Variants in NCBP3 observed in about 807,000 individuals in gnomAD.
NCBP3 encodes the protein nuclear cap-binding protein subunit 3.
Under a neutral mutation model 75.7 loss-of-function variants are expected in NCBP3, and 20 were observed. The observed-to-expected ratio is 0.26, with a 90% CI of 0.19 to 0.38. NCBP3 has a LOEUF of 0.38. Among genes scored for constraint, NCBP3 ranks in the 10% least tolerant of loss-of-function variants. The pLI, the probability that NCBP3 is intolerant of heterozygous loss-of-function variation, is 1.00. For missense variants in NCBP3, 678 were observed against 796.9 expected (o/e 0.85, Z 1.80); for synonymous variants, 293 against 290.5 (o/e 1.01, Z -0.09).
intron 10 of NCBP3, among the ~76,000 whole-genome samples, chr17:3,817,353 G>A (rs372253292): frequency 3.9e-5 from 6 of 151,988 alleles, no homozygotes; most frequent in Admixed American, 6.5e-5. Context: ...TTCTGAGCCC[G>A]GGCATGGTGG....
chr17:3,816,032 A>T, intron 11 of NCBP3, 84 bp downstream of exon 11: 2 of 1,352,504 alleles, frequency 1.5e-6, no homozygotes, highest in Non-Finnish European at 2.0e-6. Flanking sequence ...CACACATCGC[A>T]TGTTTTACTC....
intron 7 of NCBP3, chr17:3,824,333 C>G (rs1395051613): frequency 6.7e-6 from 1 of 149,030 alleles, no homozygotes; most frequent in Non-Finnish European, 1.5e-5. Flanking sequence ...CATATACATA[C>G]ATACATACAT....
At chr17:3,826,855 T>A (rs367892317) in intron 4 of NCBP3, among the ~76,000 whole-genome samples, 1 of 151,028 alleles carries the variant, frequency 6.6e-6, no homozygotes, top group African/African-American at 2.4e-5. Context: ...CTACTAAAAA[T>A]ACAAAAAATT....
In NCBP3 at chr17:3,832,432, C is replaced by T. The variant is rs1314141270; in HGVS notation, c.356-3064G>A. 2.1e-3 allele frequency among the ~76,000 whole-genome samples: 251 copies of T among 117,938 alleles called. 9 individuals are homozygous for T. The highest frequency in any genetic ancestry group is 5.9e-3 in the African/African-American group (231 of 38,852). The allele number at this position is 117,938 out of a possible 152,430, so 77.4% of individuals were successfully genotyped here. ...GCAGATCACAAGGTCAGATCGAGACCATCCTGGCCAACACGGTGAAACCCC... is the reference window on the plus strand; with the variant it reads ...GCAGATCACAAGGTCAGATCGAGACTATCCTGGCCAACACGGTGAAACCCC... On this transcript the variant is annotated intron_variant, in intron 3 of 12. Transcript: ENST00000389005.
Position 3,826,693 on chromosome 17 carries a change from A to AGG in NCBP3, c.482-479_482-478insCC, listed in dbSNP as rs1163563667. ...GAAAGAAAGAGAAAGAGAGACAGAA[A>AGG]GAGAAGGAAGGAAGGAAGGAAGGAA... On this transcript the variant is annotated intron_variant, in intron 4 of 12. Transcript: ENST00000389005. 4.9e-4 allele frequency among the ~76,000 whole-genome samples: 71 copies of AGG among 144,590 alleles called. 2 individuals carry two copies. In the South Asian group the frequency reaches 0.015, roughly 30 times the overall value. 94.9% of individuals were successfully genotyped at this position (144,590 alleles called of 152,430 possible).
At chr17:3,827,869 TTTAA>T (rs2053815041) in intron 4 of NCBP3, among the ~76,000 whole-genome samples, 1 of 152,224 alleles carries the variant, frequency 6.6e-6, no homozygotes, top group African/African-American at 2.4e-5. Flanking sequence ...TTTATTTAGG[TTTAA>T]TTAATGTACA....
chr17:3,824,448 A>ACACATG, intron 7 of NCBP3: 1 of 121,068 alleles, frequency 8.3e-6, no homozygotes, highest in South Asian at 2.4e-4. Context: ...ACACATGCAT[A>ACACATG]CATACACACA....
chr17:3,840,251 G>T, intron 2 of NCBP3, 46 bp from the exon 3 acceptor site: 1 of 1,480,800 alleles, frequency 6.8e-7, no homozygotes, highest in Non-Finnish European at 9.2e-7. Context: ...TGGAGAAGGC[G>T]AGTTAAATCA....
rs553302089 is a variant in NCBP3 at position 3,803,880 on chromosome 17, C to G, written c.*9164G>C. The G allele has an allele frequency of 3.5e-4, 53 of 151,720 alleles. No individual in the cohort carries two copies. The highest frequency in any genetic ancestry group is 1.2e-3 in the African/African-American group (50 of 41,360). 9.4% of individuals were successfully genotyped at this position (151,720 alleles called of 1,614,324 possible). A position where few individuals can be genotyped will look rare whatever the true frequency, so the allele number is the denominator to read the frequency against. On this transcript the variant is annotated 3_prime_UTR_variant, in exon 13 of 13. Coordinates refer to ENST00000389005, the MANE Select transcript of NCBP3 (RefSeq NM_001114118.3). ...CACAAAGTCAGGAGATCGAGACCAT[C>G]CTGGCTAACACGGTGAAACCCGGTC...
chr17:3,845,166 T>G (rs73314083), intron 1 of NCBP3, among the ~76,000 whole-genome samples: 1 of 152,208 alleles, frequency 6.6e-6, no homozygotes, highest in African/African-American at 2.4e-5. Flanking sequence ...TGACACAATA[T>G]AGTGAATGGT....
rs934828820 is a variant in NCBP3 at position 3,811,592 on chromosome 17, C to T, written c.*1452G>A. 6.6e-6 allele frequency: 1 copy of T among 152,170 alleles called. No individual in the cohort carries two copies. The highest frequency in any genetic ancestry group is 1.5e-5 in the Non-Finnish European group (1 of 68,036). 9.4% of individuals were successfully genotyped at this position (152,170 alleles called of 1,614,324 possible). A position where few individuals can be genotyped will look rare whatever the true frequency, so the allele number is the denominator to read the frequency against. ...TTAATAACAGTGTTCTGCATTAATT[C>T]GTGCCACAGTGTAATCAACTATCAA... is the stretch of plus-strand genomic sequence containing the variant. On this transcript the variant is annotated 3_prime_UTR_variant, in exon 13 of 13. Transcript: ENST00000389005.
At chr17:3,827,701 T>C (rs1265300563) in intron 4 of NCBP3, among the ~76,000 whole-genome samples, 1 of 152,222 alleles carries the variant, frequency 6.6e-6, no homozygotes, top group African/African-American at 2.4e-5. Context: ...CAGGTTCTGA[T>C]AAATAATACA....
At chr17:3,838,094 C>T (rs561002487) in intron 3 of NCBP3, among the ~76,000 whole-genome samples, 1 of 152,342 alleles carries the variant, frequency 6.6e-6, no homozygotes, top group South Asian at 2.1e-4. Flanking sequence ...GGCTCAAGAA[C>T]TTGTCCTCAG....
intron 3 of NCBP3, among the ~76,000 whole-genome samples, chr17:3,830,545 G>T (rs895612193): frequency 1.3e-5 from 2 of 152,194 alleles, no homozygotes; most frequent in Non-Finnish European, 2.9e-5. Context: ...AGGCAGAAAG[G>T]TTGAAGGCTA....
chr17:3,835,612 A>G (rs1288455908), intron 3 of NCBP3, among the ~76,000 whole-genome samples: 2 of 152,250 alleles, frequency 1.3e-5, no homozygotes, highest in East Asian at 3.8e-4. Flanking sequence ...AAGTACCCAA[A>G]AATAAAGTTG....
rs1315511298 is a variant in NCBP3 at position 3,846,074 on chromosome 17, C to G, written c.150G>C (p.Val50=). 1.9e-6 allele frequency: 3 copies of G among 1,549,312 alleles called. No homozygotes were observed. The highest frequency in any genetic ancestry group is 2.6e-6 in the Non-Finnish European group (3 of 1,146,050). The change falls in exon 1 of 13, where the codon GTG becomes GTC. Residue 50 remains valine, a synonymous_variant. Coordinates refer to ENST00000389005, the MANE Select transcript of NCBP3 (RefSeq NM_001114118.3). This position sits in a 1 kb window ranked among gnomAD's most constrained non-coding sequence, Gnocchi z 4.6. ...GTTCCTTGAGCGAGCGCCGCACAGG[C>G]ACGATTTCCAGCTCGCCCTCCTCCA... ...MEVEEGELEI[V]PVRRSLKELI... is the part of the protein sequence containing the mutation.
Position 3,812,689 on chromosome 17 carries a change from T to C in NCBP3, c.*355A>G, listed in dbSNP as rs1182671791. The C allele has an allele frequency of 9.3e-7, 1 of 1,079,552 alleles. No individual in the cohort carries two copies. Among genetic ancestry groups the C allele is most frequent in the Non-Finnish European group, 1.1e-6 (1 of 886,240 alleles). 66.9% of individuals were successfully genotyped at this position (1,079,552 alleles called of 1,614,324 possible). On this transcript the variant is annotated 3_prime_UTR_variant, in exon 13 of 13. Coordinates refer to ENST00000389005, the MANE Select transcript of NCBP3 (RefSeq NM_001114118.3). ...CCAAGGCAATAGTGAGAAGTTCAGT[T>C]CTCTGCTCTTTGGATGAACTGTGTA...
chr17:3,803,596 G>A lies in NCBP3; in HGVS notation c.*9448C>T, dbSNP rs796472655. ...CTCAAATGGTTCATGGTTCAGAGAG[G>A]ATAGGAAGAAACAGGGGTGAGGGAG... On this transcript the variant is annotated 3_prime_UTR_variant, in exon 13 of 13. Coordinates refer to ENST00000389005, the MANE Select transcript of NCBP3 (RefSeq NM_001114118.3). 2.0e-5 allele frequency: 3 copies of A among 152,390 alleles called. No homozygotes were observed. Among genetic ancestry groups the A allele is most frequent in the African/African-American group, 7.2e-5 (3 of 41,566 alleles). 9.4% of individuals were successfully genotyped at this position (152,390 alleles called of 1,614,324 possible).
In NCBP3 at chr17:3,813,278, A is replaced by G; in HGVS notation, c.1629T>C (p.Gly543=). Residue 543 remains glycine, a splice_region_variant and synonymous_variant, in exon 13 of 13, where the codon GGT becomes GGC. Coordinates refer to ENST00000389005, the MANE Select transcript of NCBP3 (RefSeq NM_001114118.3). Reference sequence around the variant, plus strand: ...CAGATCCTAGGCGAGTCCATAAATTACCTGTTTGGATGAGATGGCATTTCA... The same window carrying G: ...CAGATCCTAGGCGAGTCCATAAATTGCCTGTTTGGATGAGATGGCATTTCA... ...LYADTREKKS[G]NLWTRLGSAP... The G allele has an allele frequency of 6.2e-7, 1 of 1,613,794 alleles. No homozygotes were observed. Among genetic ancestry groups the G allele is most frequent in the Non-Finnish European group, 8.5e-7 (1 of 1,179,964 alleles).
Sources: allele counts gnomAD v4.1 joint callset (sites outside exome capture counted in the v4.1 genomes callset), GRCh38; gene constraint gnomAD v4.1.1; non-coding constraint Gnocchi (gnomAD v3.1); transcripts MANE v1.5; gene names NCBI Gene and HGNC (gene_info 2026-07-23, HGNC 2026-07-21).